MYO7A: variants seen among roughly 807,000 people sequenced by gnomAD.
MYO7A encodes myosin VIIA.
Under a neutral mutation model 263.8 loss-of-function variants are expected in MYO7A, and 210 were observed. The ratio of observed to expected loss-of-function variants is 0.80; its 90% confidence interval spans 0.71 to 0.89. MYO7A has a LOEUF of 0.89. Among genes scored for constraint, MYO7A ranks in the 40% least tolerant of loss-of-function variants. The pLI is 0.00. For missense variants in MYO7A, 2,820 were observed against 2,968.3 expected, an observed-to-expected ratio of 0.95 and a Z score of 1.16; for synonymous variants, 1,239 against 1,197.3, an observed-to-expected ratio of 1.03 and a Z score of -0.72.
Position 77,206,176 on chromosome 11 carries a change from G to A in MYO7A, c.5716G>A (p.Val1906Ile), listed in dbSNP as rs2135739798. The change falls in exon 41 of 49, where the codon GTC becomes ATC. Residue 1906 changes from valine to isoleucine, a missense_variant. Physicochemically the swap from Val to Ile is conservative, Grantham distance 29. Coordinates refer to ENST00000409709, the MANE Select transcript of MYO7A (RefSeq NM_000260.4). ...QHKTTQIFHK[V>I]YFPDDTDEAF... is the part of the protein sequence containing the mutation. The stretch of plus-strand genomic sequence containing the variant: ...CAAGACCACCCAGATTTTCCACAAA[G>A]TCTACTTCCCTGATGACACTGACGA... 1 of 1,613,116 alleles carries A rather than the reference G, an allele frequency of 6.2e-7. No homozygotes were observed. Among genetic ancestry groups the A allele is most frequent in the Non-Finnish European group, 8.5e-7 (1 of 1,179,548 alleles).
intron 7 of MYO7A, 125 bp downstream of exon 7, chr11:77,157,129 C>T (rs1952547604): frequency 6.9e-7 from 1 of 1,452,808 alleles, no homozygotes; most frequent in Non-Finnish European, 9.4e-7. Flanking sequence ...TGCCTGCTTC[C>T]CTCTGTGCTG....
intron 15 of MYO7A, among the ~76,000 whole-genome samples, chr11:77,169,284 C>A (rs1185574497): frequency 6.6e-6 from 1 of 152,268 alleles, no homozygotes; most frequent in Non-Finnish European, 1.5e-5. Context: ...CAGCCGTGGG[C>A]AGCCCCACCA....
Position 77,130,582 on chromosome 11 carries a change from C to T in MYO7A, c.-46-7C>T. 1 of 1,606,452 alleles carries T rather than the reference C, an allele frequency of 6.2e-7. No homozygotes were observed. The highest frequency in any genetic ancestry group is 2.2e-5 in the East Asian group (1 of 44,680). On this transcript the variant is annotated splice_polypyrimidine_tract_variant and splice_region_variant and intron_variant, in intron 1 of 48. Coordinates refer to ENST00000409709, the MANE Select transcript of MYO7A (RefSeq NM_000260.4). Reference sequence around the variant, plus strand: ...CCAGAAGCATGACATGGTCTCTCTCCCTGCAGAACTGTGCCTGGCCCAGTG... The same window carrying T: ...CCAGAAGCATGACATGGTCTCTCTCTCTGCAGAACTGTGCCTGGCCCAGTG...
Position 77,180,374 on chromosome 11 carries a change from T to C in MYO7A, c.2587T>C (p.Tyr863His). Residue 863 changes from tyrosine to histidine, a missense_variant and splice_region_variant, in exon 22 of 49, where the codon TAT becomes CAT. Physicochemically the swap from Tyr to His is moderately conservative, Grantham distance 83 (BLOSUM62 2). Transcript: ENST00000409709. ...CCCTCTGGATGCCCCCTTCCCTCAG[T>C]ATCTGTGGCGCCTCGAGGCTGAGAA... ...RRLHQRLRAE[Y>H]LWRLEAEKMR... 1.2e-6 allele frequency: 2 copies of C among 1,611,904 alleles called. No individual in the cohort carries two copies. Among genetic ancestry groups the C allele is most frequent in the Non-Finnish European group, 1.7e-6 (2 of 1,179,438 alleles).
rs1956916622 is a variant in MYO7A at position 77,199,589 on chromosome 11, T to C, written c.4623T>C (p.Pro1541=). 6.3e-7 allele frequency: 1 copy of C among 1,579,830 alleles called. No homozygotes were observed. The highest frequency in any genetic ancestry group is 1.8e-5 in the Admixed American group (1 of 55,874). ...LGCSDLGCAA[P]HSGWAGLTPA... is the part of the protein sequence containing the mutation. ...GCTCTGATCTTGGCTGTGCTGCGCC[T>C]CACTCAGGCTGGGCAGGACTGACCC... Residue 1541 remains proline, a synonymous_variant, in exon 35 of 49, where the codon CCT becomes CCC. Coordinates refer to ENST00000409709, the MANE Select transcript of MYO7A (RefSeq NM_000260.4).
Position 77,201,594 on chromosome 11 carries a change from G to A in MYO7A, c.4999G>A (p.Val1667Met). The A allele has an allele frequency of 1.2e-6, 2 of 1,613,914 alleles. No individual in the cohort carries two copies. Among genetic ancestry groups the A allele is most frequent in the Non-Finnish European group, 1.7e-6 (2 of 1,179,874 alleles). Residue 1667 changes from valine to methionine, a missense_variant, in exon 36 of 49, where the codon GTG becomes ATG. By Grantham distance (21) the Val-to-Met change is conservative. Transcript: ENST00000409709. Reference sequence around the variant, plus strand: ...GCGTGGGGACTTCCCCACCGACAGTGTGTACGTCATGCCCACTGTCACCAT... The same window carrying A: ...GCGTGGGGACTTCCCCACCGACAGTATGTACGTCATGCCCACTGTCACCAT... ...KQRGDFPTDSVYVMPTVTMPP... is the reference protein window; with the variant it reads ...KQRGDFPTDSMYVMPTVTMPP...
chr11:77,136,687 C>A (rs1388188638), intron 2 of MYO7A, among the ~76,000 whole-genome samples: 1 of 152,218 alleles, frequency 6.6e-6, no homozygotes, highest in Non-Finnish European at 1.5e-5. Flanking sequence ...CCTGTTAAAT[C>A]CTCACGAGCA....
At chr11:77,183,018 A>T in intron 25 of MYO7A, 50 bp from the exon 26 acceptor site, 1 of 1,486,716 alleles carries the variant, frequency 6.7e-7, no homozygotes, top group Non-Finnish European at 9.2e-7. Flanking sequence ...GGGGGTCTCG[A>T]CATTGCTTTC....
intron 2 of MYO7A, among the ~76,000 whole-genome samples, chr11:77,132,142 C>T (rs1378412039): frequency 2.0e-5 from 3 of 151,966 alleles, no homozygotes; most frequent in Non-Finnish European, 4.4e-5. Flanking sequence ...CCACGGAGTG[C>T]TTGGCTTCCC....
In MYO7A at chr11:77,156,848, T is replaced by C; in HGVS notation, c.593-14T>C. The C allele has an allele frequency of 6.2e-7, 1 of 1,613,930 alleles. No homozygotes were observed. The highest frequency in any genetic ancestry group is 8.5e-7 in the Non-Finnish European group (1 of 1,179,878). The stretch of plus-strand genomic sequence containing the variant: ...GGAGCGGGCTTTGCCAGTGACACCC[T>C]ACTCACTCCGCAGCATTTGGGAATG... On this transcript the variant is annotated splice_polypyrimidine_tract_variant and intron_variant, in intron 6 of 48. Coordinates refer to ENST00000409709, the MANE Select transcript of MYO7A (RefSeq NM_000260.4).
intron 2 of MYO7A, among the ~76,000 whole-genome samples, chr11:77,139,238 T>C (rs1188979419): frequency 6.6e-6 from 1 of 152,234 alleles, no homozygotes; most frequent in Non-Finnish European, 1.5e-5. Flanking sequence ...ATGTGTTCAC[T>C]GTGGATATGT....
chr11:77,147,498 G>T (rs1951653120), intron 3 of MYO7A, among the ~76,000 whole-genome samples: 1 of 152,188 alleles, frequency 6.6e-6, no homozygotes, highest in Middle Eastern at 3.4e-3. Context: ...CCTGCAAAGG[G>T]CCTGAGGGAA....
At position 77,174,688 on chromosome 11, in the gene MYO7A, A is replaced by G. The variant is rs1954457689; in HGVS notation, c.1936-68A>G. ...TTCTGAGCCTTTGTCTGGGTTGGTC[A>G]AGTGCACAGCAGGGCTGCCTCCCAG... On this transcript the variant is annotated intron_variant, in intron 16 of 48. Coordinates refer to ENST00000409709, the MANE Select transcript of MYO7A (RefSeq NM_000260.4). 43 of 1,500,344 alleles carry G rather than the reference A, an allele frequency of 2.9e-5. No individual in the cohort carries two copies. In the East Asian group the frequency reaches 1.0e-3, roughly 35 times the overall value. The allele number at this position is 1,500,344 out of a possible 1,614,324, so 92.9% of individuals were successfully genotyped here. A position where few individuals can be genotyped will look rare whatever the true frequency, so the allele number is the denominator to read the frequency against.
At position 77,189,423 on chromosome 11, in the gene MYO7A, G is replaced by A. The variant is rs781958107; in HGVS notation, c.3583G>A (p.Val1195Met). Residue 1195 changes from valine (V) to methionine (M), a missense_variant, in exon 28 of 49, where the codon GTG becomes ATG. Physicochemically the swap from Val to Met is conservative, Grantham distance 21. Transcript: ENST00000409709. ...CAGCTATGCCCGGGGCTGGATTCTC[G>A]TGTCTCTCTGCGTGGGCTGTTTCGC... ...KSSYARGWIL[V>M]SLCVGCFAPS... The A allele has an allele frequency of 8.1e-6, 13 of 1,613,768 alleles. No individual in the cohort carries two copies. Among genetic ancestry groups the A allele is most frequent in the African/African-American group, 2.7e-5 (2 of 74,918 alleles).
chr11:77,182,955 A>G (rs1955376387), intron 25 of MYO7A, 113 bp from the exon 26 acceptor site: 1 of 913,404 alleles, frequency 1.1e-6, no homozygotes, highest in Non-Finnish European at 1.8e-6. Flanking sequence ...TGTGGGGGAC[A>G]CCCTGTAAGC....
At chr11:77,131,027 C>A (rs1950750065) in intron 2 of MYO7A, among the ~76,000 whole-genome samples, 1 of 152,066 alleles carries the variant, frequency 6.6e-6, no homozygotes, top group Non-Finnish European at 1.5e-5. Flanking sequence ...ATTCTTAGGG[C>A]CTTGGGGAGC....
At position 77,194,514 on chromosome 11, in the gene MYO7A, C is replaced by T. The variant is rs538178875; in HGVS notation, c.4313C>T (p.Ala1438Val). Residue 1438 changes from alanine to valine, a missense_variant, in exon 32 of 49, where the codon GCC (alanine) becomes GTC (valine). Physicochemically the swap from Ala to Val is moderately conservative, Grantham distance 64. Coordinates refer to ENST00000409709, the MANE Select transcript of MYO7A (RefSeq NM_000260.4). ...LEKWAQLAIA[A>V]HKKGIYAQRR... ...AAGTGGGCCCAGCTGGCCATCGCCG[C>T]CCACAAGAAGGTAGAAGGGCTGAGA... 1.8e-5 allele frequency: 29 copies of T among 1,599,734 alleles called. No individual in the cohort carries two copies. The South Asian group carries it at 3.2e-4, about 18-fold the overall frequency.
intron 4 of MYO7A, among the ~76,000 whole-genome samples, chr11:77,151,527 T>A (rs1483769404): frequency 6.6e-6 from 1 of 152,142 alleles, no homozygotes; most frequent in African/African-American, 2.4e-5. Context: ...GCTACATCTC[T>A]GTGGCCTCAG....
chr11:77,191,629 G>C (rs556872011), intron 30 of MYO7A, among the ~76,000 whole-genome samples: 2 of 152,322 alleles, frequency 1.3e-5, no homozygotes, highest in East Asian at 3.9e-4. Context: ...GAGCCTCCTC[G>C]GCTGAGCGGG....
Sources: gnomAD v4.1 joint callset for allele counts (sites outside exome capture counted in the v4.1 genomes callset) on GRCh38, gnomAD v4.1.1 for gene constraint, MANE v1.5 for transcripts, NCBI Gene and HGNC (gene_info 2026-07-23, HGNC 2026-07-21) for gene names.